The following RHBDL2 variants were observed in gnomAD, a reference collection of about 807,000 sequenced individuals.
RHBDL2 encodes the protein rhomboid like 2.
In RHBDL2, 26 loss-of-function variants were observed where a neutral mutation model predicts 31.7. The observed-to-expected ratio is 0.82, with a 90% confidence interval of 0.60 to 1.14. The LOEUF (loss-of-function observed/expected upper bound fraction) is 1.14. Ranked by LOEUF, RHBDL2 falls within the 50% of genes most tolerant of loss-of-function variation. The probability of loss-of-function intolerance (pLI) is 0.00; values close to 1 mark genes in which losing one functional copy is unlikely to be tolerated. For missense variants in RHBDL2, 336 were observed against 364.4 expected, an observed-to-expected ratio of 0.92 and a Z score of 0.63; for synonymous variants, 123 against 127.2, an observed-to-expected ratio of 0.97 and a Z score of 0.22.
chr1:38,905,086 C>T (rs926384320), intron 4 of RHBDL2, among the ~76,000 whole-genome samples: 12 of 149,338 alleles, frequency 8.0e-5, no homozygotes, highest in South Asian at 2.2e-4. Flanking sequence ...AACGTCTCCT[C>T]TCCAAAAGAT....
At chr1:38,887,714 C>T (rs9438976) in intron 7 of RHBDL2, among the ~76,000 whole-genome samples, 54,643 of 151,816 alleles carry the variant, frequency 0.36, 11,001 homozygotes, top group Non-Finnish European at 0.45. Context: ...TGAGCCACCA[C>T]GCCTGGCCAT....
intron 1 of RHBDL2, among the ~76,000 whole-genome samples, chr1:38,935,853 A>G (rs1643498486): frequency 6.6e-6 from 1 of 151,998 alleles, no homozygotes; most frequent in Non-Finnish European, 1.5e-5. Flanking sequence ...AGCTCAAGCG[A>G]TCTGCCCACC....
chr1:38,920,757 C>T (rs1192855332), intron 1 of RHBDL2, among the ~76,000 whole-genome samples: 4 of 151,054 alleles, frequency 2.6e-5, no homozygotes, highest in Non-Finnish European at 1.5e-5. Flanking sequence ...CAGGTGCCCA[C>T]CACCACACCT....
At chr1:38,893,272 G>A (rs781772572) in intron 5 of RHBDL2, 48 bp from the exon 6 acceptor site, 23 of 903,814 alleles carry the variant, frequency 2.5e-5, no homozygotes, top group Non-Finnish European at 3.1e-5. Flanking sequence ...ATGGACAAAT[G>A]AAACCTCAAC....
At chr1:38,892,764 G>A (rs1287990969) in intron 6 of RHBDL2, among the ~76,000 whole-genome samples, 1 of 152,196 alleles carries the variant, frequency 6.6e-6, no homozygotes, top group Non-Finnish European at 1.5e-5. Context: ...ACATAGCACT[G>A]CTCCAACAAT....
intron 3 of RHBDL2, among the ~76,000 whole-genome samples, chr1:38,911,643 TGTGCGC>T (rs1459919845): frequency 8.7e-4 from 51 of 58,802 alleles, no homozygotes; most frequent in African/African-American, 2.0e-3. Context: ...TGTGTGTGTG[TGTGCGC>T]GCGCGCGCGC....
At position 38,915,636 on chromosome 1, in the gene RHBDL2, C is replaced by T. The variant is rs374270295; in HGVS notation, c.321G>A (p.Glu107=). Residue 107 remains glutamate, a synonymous_variant, in exon 3 of 8, where the codon GAG becomes GAA. Transcript: ENST00000372990. The stretch of plus-strand genomic sequence containing the variant: ...TCTCAGGACTGTAGATAAAGGGACT[C>T]TCCAAGATGCCTGTGTCCAACGTGA... The part of the protein sequence containing the change: ...QWITLDTGIL[E]SPFIYSPEKR... The T allele has an allele frequency of 6.2e-7, 1 of 1,614,146 alleles. No individual in the cohort carries two copies.
Position 38,919,341 on chromosome 1 carries a change from T to C in RHBDL2, c.-125-4A>G, listed in dbSNP as rs138294075. ...CGACTGCTTTCCAAGGCCTTTCCTG[T>C]ATGTGAAGAGAAGACAGCTGAAGAT... On this transcript the variant is annotated splice_polypyrimidine_tract_variant and splice_region_variant and intron_variant, in intron 1 of 7. Transcript: ENST00000372990. 1.9e-6 allele frequency: 3 copies of C among 1,582,314 alleles called. No individual in the cohort carries two copies. The highest frequency in any genetic ancestry group is 2.3e-5 in the South Asian group (2 of 87,944).
intron 1 of RHBDL2, among the ~76,000 whole-genome samples, chr1:38,921,410 C>T (rs1925676): frequency 0.36 from 55,185 of 151,874 alleles, 11,366 homozygotes; most frequent in East Asian, 0.68. Flanking sequence ...GTATCTGGCA[C>T]GTAGTAAACA....
chr1:38,894,415 C>T (rs1013620004), intron 5 of RHBDL2, among the ~76,000 whole-genome samples: 1 of 152,018 alleles, frequency 6.6e-6, no homozygotes, highest in Non-Finnish European at 1.5e-5. Context: ...CTCCACCTCC[C>T]GGGTTCAAGC....
intron 4 of RHBDL2, among the ~76,000 whole-genome samples, chr1:38,897,914 T>C (rs1215804946): frequency 6.6e-6 from 1 of 152,124 alleles, no homozygotes; most frequent in African/African-American, 2.4e-5. Context: ...GTGGATCAGC[T>C]GAGCTCAGGA....
chr1:38,891,007 G>A (rs374890212), intron 6 of RHBDL2, among the ~76,000 whole-genome samples: 38 of 152,030 alleles, frequency 2.5e-4, no homozygotes, highest in African/African-American at 7.7e-4. Flanking sequence ...AGTGGCTCAC[G>A]GCTGTAATCT....
intron 1 of RHBDL2, among the ~76,000 whole-genome samples, chr1:38,927,299 C>T (rs969212037): frequency 2.0e-5 from 3 of 151,814 alleles, no homozygotes; most frequent in East Asian, 1.9e-4. Flanking sequence ...TGGTGGCGGG[C>T]GCCTGTAGTC....
At chr1:38,928,476 C>T (rs1270447284) in intron 1 of RHBDL2, among the ~76,000 whole-genome samples, 2 of 146,942 alleles carry the variant, frequency 1.4e-5, no homozygotes, top group Admixed American at 6.9e-5. Flanking sequence ...GACAGAGTTT[C>T]GCTCTTGTTG....
At chr1:38,902,849 G>A (rs1643013313) in intron 4 of RHBDL2, among the ~76,000 whole-genome samples, 2 of 152,152 alleles carry the variant, frequency 1.3e-5, no homozygotes, top group Non-Finnish European at 2.9e-5. Flanking sequence ...ACCACGCCCA[G>A]CCCCTAACCA....
intron 1 of RHBDL2, among the ~76,000 whole-genome samples, chr1:38,932,953 T>G (rs1486725347): frequency 1.3e-5 from 2 of 152,198 alleles, no homozygotes; most frequent in East Asian, 3.8e-4. Flanking sequence ...AAATTAGTCT[T>G]CACTCTGTTT....
chr1:38,918,065 C>T (rs1197458019), intron 2 of RHBDL2, among the ~76,000 whole-genome samples: 1 of 152,168 alleles, frequency 6.6e-6, no homozygotes, highest in Non-Finnish European at 1.5e-5. Flanking sequence ...CTTCCCTGGG[C>T]CTCCAGCCTG....
chr1:38,916,503 C>T (rs1157341571), intron 2 of RHBDL2, among the ~76,000 whole-genome samples: 1 of 152,030 alleles, frequency 6.6e-6, no homozygotes, highest in Admixed American at 6.6e-5. Flanking sequence ...CCAGGTAAAT[C>T]TGGAGTTTAG....
intron 1 of RHBDL2, among the ~76,000 whole-genome samples, chr1:38,931,874 G>A (rs1023249062): frequency 6.6e-6 from 1 of 152,152 alleles, no homozygotes; most frequent in African/African-American, 2.4e-5. Context: ...AGCCAAGGAT[G>A]GTAGACTAAA....
Sources: gnomAD v4.1 joint callset for allele counts (sites outside exome capture counted in the v4.1 genomes callset) on GRCh38, gnomAD v4.1.1 for gene constraint, MANE v1.5 for transcripts, NCBI Gene and HGNC (gene_info 2026-07-23, HGNC 2026-07-21) for gene names.